The following RANBP2 variants were observed in gnomAD, a reference collection of about 807,000 sequenced individuals.
RANBP2 encodes the protein E3 SUMO-protein ligase RanBP2.
Under a neutral mutation model 303.6 loss-of-function variants are expected in RANBP2, and 57 were observed. The observed-to-expected ratio is 0.19, with a 90% CI of 0.15 to 0.23. The LOEUF is 0.23. Among genes scored for constraint, RANBP2 ranks in the 10% least tolerant of loss-of-function variants. RANBP2 has a pLI of 1.00. For synonymous variants in RANBP2, 1,167 were observed against 1,301.5 expected (o/e 0.90, Z 2.23); for missense variants, 3,138 against 3,780.8 (o/e 0.83, Z 4.46).
At chr2:109,203,938 C>T in the RANBP2 span, among the ~76,000 whole-genome samples, 4 of 152,206 alleles carry the variant, frequency 2.6e-5, no homozygotes, top group East Asian at 7.7e-4. Flanking sequence ...GGCCCCAAGG[C>T]CTCCCAGCAG....
the RANBP2 span, among the ~76,000 whole-genome samples, chr2:109,422,653 G>A: frequency 6.6e-6 from 1 of 152,170 alleles, no homozygotes; most frequent in Non-Finnish European, 1.5e-5. Flanking sequence ...GACCTGCTGT[G>A]ATTTGGGAAA....
downstream of RANBP2, chr2:108,786,652 G>T (rs1678775719): frequency 8.0e-6 from 5 of 628,540 alleles, no homozygotes; most frequent in Admixed American, 2.8e-5. Context: ...CTTGGAGGAC[G>T]CGCTGACAAG....
chr2:109,307,825 G>T, the RANBP2 span, among the ~76,000 whole-genome samples: 44 of 141,848 alleles, frequency 3.1e-4, no homozygotes, highest in Non-Finnish European at 4.5e-5. Context: ...GTCTATCATT[G>T]TTGGACATTT....
At chr2:109,584,884 G>C in the RANBP2 span, among the ~76,000 whole-genome samples, 1 of 152,006 alleles carries the variant, frequency 6.6e-6, no homozygotes, top group Non-Finnish European at 1.5e-5. Context: ...AGCTACTTTT[G>C]CTGAAATGCA....
At chr2:108,736,644 G>T (rs1438723053) in intron 6 of RANBP2, among the ~76,000 whole-genome samples, 1 of 152,188 alleles carries the variant, frequency 6.6e-6, no homozygotes, top group Admixed American at 6.5e-5. Flanking sequence ...ATTAGTATAA[G>T]CACTTAGCAT....
At chr2:109,306,810 C>T in the RANBP2 span, among the ~76,000 whole-genome samples, 3 of 152,268 alleles carry the variant, frequency 2.0e-5, no homozygotes, top group South Asian at 4.1e-4. Context: ...TGGTTGATTA[C>T]GTATTTCCTA....
At chr2:108,739,839 T>G (rs1167643130) in intron 6 of RANBP2, among the ~76,000 whole-genome samples, 1 of 152,062 alleles carries the variant, frequency 6.6e-6, no homozygotes, top group Non-Finnish European at 1.5e-5. Flanking sequence ...TAAAAAAAGT[T>G]TAGCGGGGCA....
the RANBP2 span, among the ~76,000 whole-genome samples, chr2:108,904,132 C>T: frequency 3.3e-5 from 5 of 151,772 alleles, no homozygotes; most frequent in Non-Finnish European, 4.4e-5. Context: ...AAAAATCATA[C>T]GATACCATTG....
chr2:109,423,660 C>A, the RANBP2 span, among the ~76,000 whole-genome samples: 1 of 152,188 alleles, frequency 6.6e-6, no homozygotes, highest in African/African-American at 2.4e-5. Context: ...CCGGGTACTG[C>A]CCCCAAGAGG....
chr2:109,105,044 G>A, the RANBP2 span, among the ~76,000 whole-genome samples: 1 of 152,182 alleles, frequency 6.6e-6, no homozygotes, highest in Admixed American at 6.5e-5. Context: ...GAATGTTGGT[G>A]GGTGACCATA....
chr2:108,983,406 C>T, the RANBP2 span, among the ~76,000 whole-genome samples: 2 of 152,174 alleles, frequency 1.3e-5, no homozygotes, highest in Non-Finnish European at 2.9e-5. Context: ...GACACAGAGC[C>T]TCAATCCAAA....
At chr2:109,163,031 G>A in the RANBP2 span, among the ~76,000 whole-genome samples, 124,221 of 151,754 alleles carry the variant, frequency 0.82, 50,990 homozygotes, top group East Asian at 0.89. Context: ...CCCAAAGTCT[G>A]TATAGTGATA....
chr2:109,736,280 C>T, the RANBP2 span, among the ~76,000 whole-genome samples: 24 of 152,274 alleles, frequency 1.6e-4, no homozygotes, highest in African/African-American at 5.5e-4. Context: ...TAACTTCTGA[C>T]ATTAAATCCA....
At chr2:108,770,587 C>T (rs148439724) in intron 20 of RANBP2, among the ~76,000 whole-genome samples, 1 of 152,084 alleles carries the variant, frequency 6.6e-6, no homozygotes, top group Non-Finnish European at 1.5e-5. Context: ...CATCACTGCA[C>T]TCCAGCTCTG....
the RANBP2 span, among the ~76,000 whole-genome samples, chr2:108,949,871 G>A: frequency 2.0e-5 from 3 of 152,338 alleles, no homozygotes; most frequent in East Asian, 1.9e-4. Context: ...AATAACCTCC[G>A]AGTAATATGT....
intron 12 of RANBP2, among the ~76,000 whole-genome samples, chr2:108,752,262 TAA>T (rs943227844): frequency 1.4e-5 from 2 of 147,404 alleles, no homozygotes; most frequent in Non-Finnish European, 3.0e-5. Context: ...GCCTGAAAAT[TAA>T]AAAAAAAAAT....
the RANBP2 span, chr2:109,504,020 A>G: frequency 6.6e-6 from 1 of 152,198 alleles, no homozygotes; most frequent in African/African-American, 2.4e-5. Flanking sequence ...TCTGGAGCCA[A>G]TGCCGGGCTG....
At chr2:109,371,563 C>T in the RANBP2 span, 1 of 1,608,504 alleles carries the variant, frequency 6.2e-7, no homozygotes, top group Non-Finnish European at 8.5e-7. Context: ...ATGCTTGTGT[C>T]CACGGTGGAC....
chr2:108,910,809 C>A, the RANBP2 span: 1 of 1,613,820 alleles, frequency 6.2e-7, no homozygotes, highest in Admixed American at 1.7e-5. Context: ...TCCTTGCTCA[C>A]TTGGGCCTCC....
Sources: allele counts gnomAD v4.1 joint callset (sites outside exome capture counted in the v4.1 genomes callset), GRCh38; gene constraint gnomAD v4.1.1; transcripts MANE v1.5; gene names NCBI Gene and HGNC (gene_info 2026-07-23, HGNC 2026-07-21).